Variants in GRIK2 observed in about 807,000 individuals in gnomAD.
GRIK2 encodes glutamate ionotropic receptor kainate type subunit 2, also known as glutamate receptor ionotropic, kainate 2.
GRIK2 carries 32 observed loss-of-function variants against 100.3 expected under a neutral mutation model. The ratio of observed to expected loss-of-function variants is 0.32; its 90% CI spans 0.24 to 0.43. GRIK2 has a LOEUF of 0.43. Among genes scored for constraint, GRIK2 ranks in the 20% least tolerant of loss-of-function variants. GRIK2 has a pLI of 1.00. For synonymous variants in GRIK2, 417 were observed against 389.4 expected (o/e 1.07, Z -0.83); for missense variants, 843 against 1,114.9 (o/e 0.76, Z 3.47).
At chr6:101,442,391 A>G (rs556558318) in intron 2 of GRIK2, among the ~76,000 whole-genome samples, 1 of 152,042 alleles carries the variant, frequency 6.6e-6, no homozygotes, top group Admixed American at 6.6e-5. Context: ...TTCCCCCTGC[A>G]AACAGCAGGA....
At chr6:101,428,200 A>T (rs531478923) in intron 2 of GRIK2, among the ~76,000 whole-genome samples, 29 of 152,338 alleles carry the variant, frequency 1.9e-4, no homozygotes, top group South Asian at 6.2e-4. Flanking sequence ...TAAAACAAAA[A>T]TCTGGAGTTC....
At chr6:101,857,209 C>A (rs1042653509) in intron 10 of GRIK2, among the ~76,000 whole-genome samples, 2 of 152,056 alleles carry the variant, frequency 1.3e-5, no homozygotes, top group Non-Finnish European at 2.9e-5. Flanking sequence ...TGAAAATAGT[C>A]TGTAGGAAAG....
At chr6:101,595,260 G>A (rs1486901848) in intron 2 of GRIK2, among the ~76,000 whole-genome samples, 1 of 151,678 alleles carries the variant, frequency 6.6e-6, no homozygotes, top group Non-Finnish European at 1.5e-5. Flanking sequence ...GGGGAGTGAT[G>A]TACAGATCAG....
intron 10 of GRIK2, among the ~76,000 whole-genome samples, chr6:101,824,121 G>A (rs1782155913): frequency 6.6e-6 from 1 of 151,976 alleles, no homozygotes; most frequent in Non-Finnish European, 1.5e-5. Flanking sequence ...CTGACTTGTG[G>A]TGATCTTCCA....
chr6:101,852,662 TG>T (rs753863298), intron 10 of GRIK2, among the ~76,000 whole-genome samples: 1 of 152,190 alleles, frequency 6.6e-6, no homozygotes, highest in Non-Finnish European at 1.5e-5. Context: ...CTACTTGGTA[TG>T]ATAAATGCTA....
intron 4 of GRIK2, among the ~76,000 whole-genome samples, chr6:101,673,483 C>G (rs995817167): frequency 6.6e-6 from 1 of 152,176 alleles, no homozygotes; most frequent in African/African-American, 2.4e-5. Context: ...TTTACAAAAG[C>G]TTCTGAAGCA....
intron 4 of GRIK2, among the ~76,000 whole-genome samples, chr6:101,639,598 G>GCATA (rs3056158): frequency 0.21 from 31,465 of 151,020 alleles, 3,463 homozygotes; most frequent in South Asian, 0.33. Flanking sequence ...CTCAATACAT[G>GCATA]CATACATACA....
At chr6:101,554,091 A>G (rs1243657017) in intron 2 of GRIK2, among the ~76,000 whole-genome samples, 1 of 152,206 alleles carries the variant, frequency 6.6e-6, no homozygotes, top group African/African-American at 2.4e-5. Flanking sequence ...GTGTATATCT[A>G]TGTAAACGTA....
chr6:102,063,218 A>G (rs1210964892), intron 16 of GRIK2, among the ~76,000 whole-genome samples: 1 of 150,730 alleles, frequency 6.6e-6, no homozygotes, highest in African/African-American at 2.4e-5. Context: ...ATAAGTAGAA[A>G]TTGTATGTAG....
chr6:102,015,553 C>G (rs1339479464), intron 14 of GRIK2, among the ~76,000 whole-genome samples: 3 of 152,186 alleles, frequency 2.0e-5, no homozygotes, highest in Non-Finnish European at 4.4e-5. Context: ...TCCTTTGCCC[C>G]CCAGATCATA....
chr6:101,571,049 T>A (rs1217715507), intron 2 of GRIK2, among the ~76,000 whole-genome samples: 2 of 84,726 alleles, frequency 2.4e-5, no homozygotes, highest in Non-Finnish European at 4.6e-5. Context: ...TATTCTAGGC[T>A]GCTATGTGCA....
At chr6:101,511,842 A>T (rs534057565) in intron 2 of GRIK2, among the ~76,000 whole-genome samples, 7 of 151,940 alleles carry the variant, frequency 4.6e-5, no homozygotes, top group African/African-American at 1.7e-4. Flanking sequence ...GGAATTTTTT[A>T]TGAACTCACC....
chr6:101,964,911 G>A (rs1792561716), intron 14 of GRIK2, among the ~76,000 whole-genome samples: 1 of 152,110 alleles, frequency 6.6e-6, no homozygotes, highest in Non-Finnish European at 1.5e-5. Flanking sequence ...GCAATTAGCA[G>A]GATACATAAG....
intron 14 of GRIK2, among the ~76,000 whole-genome samples, chr6:102,028,222 T>C (rs1014739949): frequency 6.6e-6 from 1 of 151,312 alleles, no homozygotes; most frequent in African/African-American, 2.4e-5. Flanking sequence ...CACAAAATCA[T>C]TTGGCAATTG....
At chr6:101,580,183 C>A (rs1056084802) in intron 2 of GRIK2, among the ~76,000 whole-genome samples, 1 of 152,130 alleles carries the variant, frequency 6.6e-6, no homozygotes, top group African/African-American at 2.4e-5. Context: ...ATTCTTACAG[C>A]CAACTTTCTC....
intron 2 of GRIK2, among the ~76,000 whole-genome samples, chr6:101,582,721 GA>G (rs1461415243): frequency 6.6e-6 from 1 of 152,142 alleles, no homozygotes; most frequent in Non-Finnish European, 1.5e-5. Context: ...TTCAATTTGT[GA>G]AGAGCATGAA....
intron 4 of GRIK2, among the ~76,000 whole-genome samples, chr6:101,639,770 A>G (rs1781199373): frequency 6.6e-6 from 1 of 152,210 alleles, no homozygotes; most frequent in Non-Finnish European, 1.5e-5. Flanking sequence ...CAAGAAAATA[A>G]TTAAAACTCA....
In GRIK2 at chr6:101,859,481, A is replaced by G. The variant is rs1283097751; in HGVS notation, c.1512A>G (p.Glu504=). The change falls in exon 11 of 17, where the codon GAA becomes GAG. Residue 504 remains glutamate, a synonymous_variant. Coordinates refer to ENST00000369134, the MANE Select transcript of GRIK2 (RefSeq NM_021956.5). ...GACAATGGAATGGAATGGTTCGTGA[A>G]CTAATTGATCATGTAAGTCCCTTCC... ...ANGQWNGMVR[E]LIDHKADLAV... is the part of the protein sequence containing the mutation. 6.3e-7 allele frequency: 1 copy of G among 1,586,672 alleles called. No individual in the cohort carries two copies. The highest frequency in any genetic ancestry group is 1.7e-5 in the Admixed American group (1 of 59,978).
chr6:101,875,072 A>G lies in GRIK2; in HGVS notation c.1525-14568A>G, dbSNP rs186785376. On this transcript the variant is annotated intron_variant, in intron 11 of 16. Coordinates refer to ENST00000369134, the MANE Select transcript of GRIK2 (RefSeq NM_021956.5). ...GACAATTTGATTTCCTTTTTTCCTA[A>G]TTGAATACCTTTATTTCTTTCTCCT... Among the ~76,000 whole-genome samples the G allele has an allele frequency of 9.2e-5, 14 of 152,134 alleles. No individual in the cohort carries two copies. The East Asian group carries it at 2.5e-3, about 27-fold the overall frequency.
Sources: gnomAD v4.1 joint callset for allele counts (sites outside exome capture counted in the v4.1 genomes callset) on GRCh38, gnomAD v4.1.1 for gene constraint, MANE v1.5 for transcripts, NCBI Gene and HGNC (gene_info 2026-07-23, HGNC 2026-07-21) for gene names.